Variants in ARID1B observed in about 807,000 individuals in gnomAD.
ARID1B encodes AT-rich interaction domain 1B.
A neutral mutation model predicts 212.3 loss-of-function variants in ARID1B; 30 were observed. The observed-to-expected ratio is 0.14, with a 90% CI of 0.11 to 0.19. The LOEUF (loss-of-function observed/expected upper bound fraction) is 0.19. Ranked by LOEUF, ARID1B falls within the 10% of genes least tolerant of loss-of-function variation. ARID1B has a pLI of 1.00. For synonymous variants in ARID1B, 1,402 were observed against 1,301.7 expected, an observed-to-expected ratio of 1.08 and a Z score of -1.66; for missense variants, 2,891 against 3,204.0, an observed-to-expected ratio of 0.90 and a Z score of 2.36.
chr6:157,060,075 A>C (rs2128402608), intron 4 of ARID1B, among the ~76,000 whole-genome samples: 1 of 152,360 alleles, frequency 6.6e-6, no homozygotes, highest in East Asian at 1.9e-4. Context: ...ACACCGAGGC[A>C]GGGTGAACTT....
At chr6:157,181,495 C>A (rs1225763198) in intron 12 of ARID1B, among the ~76,000 whole-genome samples, 2 of 152,184 alleles carry the variant, frequency 1.3e-5, no homozygotes, top group Non-Finnish European at 2.9e-5. Context: ...GCCAGTAGTT[C>A]ATAGTAAATA....
At chr6:157,198,653 C>T (rs1793902255) in intron 16 of ARID1B, 158 bp from the exon 17 acceptor site, 5 of 580,226 alleles carry the variant, frequency 8.6e-6, no homozygotes, top group Non-Finnish European at 1.5e-5. Flanking sequence ...TAACAGTTGG[C>T]GTGCAGCTGC....
intron 2 of ARID1B, among the ~76,000 whole-genome samples, chr6:156,900,567 C>CTTGTTTTTCTT (rs1377390206): frequency 5.9e-5 from 9 of 152,130 alleles, no homozygotes; most frequent in Non-Finnish European, 1.3e-4. Context: ...GTCCTGATAT[C>CTTGTTTTTCTT]TTGTTTTTCT....
intron 4 of ARID1B, among the ~76,000 whole-genome samples, chr6:157,053,237 C>T (rs1053705855): frequency 7.9e-5 from 12 of 152,078 alleles, no homozygotes; most frequent in Admixed American, 7.2e-4. Flanking sequence ...AGGCGCCTAC[C>T]GCTATGCCTG....
At chr6:157,015,138 C>T (rs147505245) in intron 4 of ARID1B, among the ~76,000 whole-genome samples, 37 of 152,110 alleles carry the variant, frequency 2.4e-4, no homozygotes, top group East Asian at 1.3e-3. Context: ...TAAGTTTGAA[C>T]GGAACTGTGA....
At chr6:156,900,499 A>G (rs1788828861) in intron 2 of ARID1B, among the ~76,000 whole-genome samples, 1 of 152,190 alleles carries the variant, frequency 6.6e-6, no homozygotes, top group African/African-American at 2.4e-5. Flanking sequence ...CCAGTGGACC[A>G]TATTGTGGTA....
chr6:157,081,953 A>G (rs969015007), intron 4 of ARID1B, among the ~76,000 whole-genome samples: 10 of 152,162 alleles, frequency 6.6e-5, no homozygotes, highest in African/African-American at 1.4e-4. Flanking sequence ...GAGAAACATG[A>G]AAAGCCTATT....
At chr6:157,095,276 T>A (rs1785535748) in intron 5 of ARID1B, among the ~76,000 whole-genome samples, 1 of 152,152 alleles carries the variant, frequency 6.6e-6, no homozygotes, top group African/African-American at 2.4e-5. Flanking sequence ...ACAACATGCC[T>A]GGGAAAGGAC....
In ARID1B at chr6:157,208,344, G is replaced by T. The variant is rs1794615632; in HGVS notation, c.*453G>T. 1 of 233,592 alleles carries T rather than the reference G, an allele frequency of 4.3e-6. No individual in the cohort carries two copies. Among genetic ancestry groups the T allele is most frequent in the Non-Finnish European group, 8.5e-6 (1 of 118,198 alleles). The allele number at this position is 233,592 out of a possible 1,614,324, so 14.5% of individuals were successfully genotyped here. ...TTTCCTATGCGTTTTACTCCTCAGAGAATGAAAAAAACTGCATCCCATCAC... is the reference window on the plus strand; with the variant it reads ...TTTCCTATGCGTTTTACTCCTCAGATAATGAAAAAAACTGCATCCCATCAC... On this transcript the variant is annotated 3_prime_UTR_variant, in exon 20 of 20. Transcript: ENST00000636930.
chr6:157,189,095 A>G (rs994416787), intron 13 of ARID1B, among the ~76,000 whole-genome samples: 28 of 152,250 alleles, frequency 1.8e-4, no homozygotes, highest in Non-Finnish European at 3.4e-4. Context: ...TTGAGAAGCT[A>G]TTGAAATGAC....
intron 6 of ARID1B, among the ~76,000 whole-genome samples, chr6:157,130,120 G>A (rs561508827): frequency 6.6e-6 from 1 of 151,880 alleles, no homozygotes; most frequent in East Asian, 1.9e-4. Context: ...AGTGAGATGA[G>A]ATCGTGCCAC....
intron 4 of ARID1B, among the ~76,000 whole-genome samples, chr6:156,978,236 C>T (rs770215429): frequency 3.9e-5 from 6 of 152,220 alleles, no homozygotes; most frequent in Non-Finnish European, 5.9e-5. Flanking sequence ...TTTCTGCTCC[C>T]AGCACCTTGG....
At chr6:157,139,208 C>T (rs1014942853) in intron 7 of ARID1B, among the ~76,000 whole-genome samples, 1 of 152,222 alleles carries the variant, frequency 6.6e-6, no homozygotes, top group African/African-American at 2.4e-5. Context: ...AAGAGGGGCA[C>T]ACCTCCTGCC....
At chr6:156,962,452 T>G (rs1794450298) in intron 4 of ARID1B, among the ~76,000 whole-genome samples, 1 of 152,174 alleles carries the variant, frequency 6.6e-6, no homozygotes. Context: ...TGTGTCTATT[T>G]CTTTTCTCTT....
intron 6 of ARID1B, among the ~76,000 whole-genome samples, chr6:157,131,190 A>G (rs375110830): frequency 6.6e-6 from 1 of 152,182 alleles, no homozygotes; most frequent in African/African-American, 2.4e-5. Flanking sequence ...CATTTTTTTA[A>G]AAAGCAATAG....
At chr6:157,022,131 C>T (rs1057250) in intron 4 of ARID1B, among the ~76,000 whole-genome samples, 39,787 of 149,974 alleles carry the variant, frequency 0.27, 5,686 homozygotes, top group Non-Finnish European at 0.32. Flanking sequence ...CCGCCAAGAA[C>T]AGGGCGGGGA....
intron 1 of ARID1B, among the ~76,000 whole-genome samples, chr6:156,792,319 A>G (rs1475228769): frequency 6.6e-6 from 1 of 152,190 alleles, no homozygotes; most frequent in Non-Finnish European, 1.5e-5. Flanking sequence ...AAAACCATGC[A>G]AGGCCGGACC....
intron 8 of ARID1B, among the ~76,000 whole-genome samples, chr6:157,157,433 G>A (rs1051227289): frequency 3.3e-5 from 5 of 152,198 alleles, no homozygotes; most frequent in South Asian, 2.1e-4. Context: ...GGCCAGTGAT[G>A]CCAACCTGCC....
intron 4 of ARID1B, among the ~76,000 whole-genome samples, chr6:156,978,550 C>G (rs1777404338): frequency 6.6e-6 from 1 of 152,110 alleles, no homozygotes; most frequent in African/African-American, 2.4e-5. Flanking sequence ...ATATGGAAGT[C>G]CCTTTATACA....
Sources: allele counts gnomAD v4.1 joint callset (sites outside exome capture counted in the v4.1 genomes callset), GRCh38; gene constraint gnomAD v4.1.1; transcripts MANE v1.5; gene names NCBI Gene and HGNC (gene_info 2026-07-23, HGNC 2026-07-21).